The following DNAJC6 variants were observed in gnomAD, a reference collection of about 807,000 sequenced individuals.
DNAJC6 encodes the protein auxilin.
In DNAJC6, 34 loss-of-function variants were observed where a neutral mutation model predicts 110.0. That is an observed-to-expected ratio of 0.31 (90% CI 0.24 to 0.41). The LOEUF is 0.41. Among genes scored for constraint, DNAJC6 ranks in the 10% least tolerant of loss-of-function variants. The probability of loss-of-function intolerance (pLI) is 1.00; values close to 1 mark genes in which losing one functional copy is unlikely to be tolerated. For missense variants in DNAJC6, 1,031 were observed against 1,207.8 expected (o/e 0.85, Z 2.17); for synonymous variants, 406 against 437.2 (o/e 0.93, Z 0.89).
intron 1 of DNAJC6, among the ~76,000 whole-genome samples, chr1:65,340,632 G>A (rs1054054572): frequency 6.6e-6 from 1 of 152,042 alleles, no homozygotes; most frequent in African/African-American, 2.4e-5. Flanking sequence ...CAATAAAATG[G>A]GCATGATAAT....
Position 65,413,009 on chromosome 1 carries a change from A to G in DNAJC6, c.2897A>G (p.Gln966Arg). ...DAWSEFENQG[Q>R]KPLY ...TGGTCTGAATTTGAAAACCAAGGCCAAAAGCCCTTATATTAATTTATGAGC... is the reference window on the plus strand; with the variant it reads ...TGGTCTGAATTTGAAAACCAAGGCCGAAAGCCCTTATATTAATTTATGAGC... The change falls in exon 19 of 19, where the codon CAA (glutamine) becomes CGA (arginine). Residue 966 changes from glutamine (Q) to arginine (R), a missense_variant. Coordinates refer to ENST00000371069, the MANE Select transcript of DNAJC6 (RefSeq NM_001256864.2). 1 of 1,613,922 alleles carries G rather than the reference A, an allele frequency of 6.2e-7. No individual in the cohort carries two copies. Among genetic ancestry groups the G allele is most frequent in the Admixed American group, 1.7e-5 (1 of 60,004 alleles).
intron 1 of DNAJC6, among the ~76,000 whole-genome samples, chr1:65,349,845 T>C (rs1045493121): frequency 6.6e-6 from 1 of 152,166 alleles, no homozygotes; most frequent in Non-Finnish European, 1.5e-5. Context: ...CAATAGTTTT[T>C]AACCAGGGAC....
At chr1:65,403,865 T>C (rs1043901225) in intron 15 of DNAJC6, among the ~76,000 whole-genome samples, 4 of 152,196 alleles carry the variant, frequency 2.6e-5, no homozygotes, top group African/African-American at 7.2e-5. Context: ...CAGCGTCTGC[T>C]TTTTCACCAC....
intron 5 of DNAJC6, 109 bp downstream of exon 5, chr1:65,379,633 C>T: frequency 2.1e-6 from 3 of 1,417,720 alleles, no homozygotes; most frequent in Admixed American, 2.4e-5. Context: ...ATTTACTGAG[C>T]CCATATTTAG....
At chr1:65,358,752 T>A (rs1052002420) in intron 1 of DNAJC6, among the ~76,000 whole-genome samples, 13 of 152,234 alleles carry the variant, frequency 8.5e-5, no homozygotes, top group African/African-American at 3.1e-4. Context: ...TAGAGATATT[T>A]AACAATTCCC....
chr1:65,330,032 C>A (rs986193280), intron 1 of DNAJC6, among the ~76,000 whole-genome samples: 1 of 152,156 alleles, frequency 6.6e-6, no homozygotes, highest in African/African-American at 2.4e-5. Context: ...AACTTGAGTC[C>A]AAAGAGAGAA....
chr1:65,407,780 C>A (rs932935993), intron 16 of DNAJC6, among the ~76,000 whole-genome samples: 2 of 152,144 alleles, frequency 1.3e-5, no homozygotes, highest in Non-Finnish European at 2.9e-5. Flanking sequence ...AGTTTCAGAG[C>A]ACTTACATTT....
chr1:65,374,185 T>A (rs2477785), intron 4 of DNAJC6, among the ~76,000 whole-genome samples: 38,123 of 152,040 alleles, frequency 0.25, 8,309 homozygotes, highest in East Asian at 0.61. Context: ...TTACGGTAGC[T>A]TTGTAAAAAA....
chr1:65,337,048 T>C (rs1645344349), intron 1 of DNAJC6, among the ~76,000 whole-genome samples: 1 of 151,790 alleles, frequency 6.6e-6, no homozygotes, highest in Admixed American at 6.6e-5. Flanking sequence ...ATTTGTACTG[T>C]AGATTTTCCC....
intron 4 of DNAJC6, among the ~76,000 whole-genome samples, chr1:65,376,223 G>T (rs1333240620): frequency 6.6e-6 from 1 of 151,878 alleles, no homozygotes; most frequent in Non-Finnish European, 1.5e-5. Flanking sequence ...TATTTCTGAG[G>T]TCTCAGTTGT....
intron 2 of DNAJC6, among the ~76,000 whole-genome samples, chr1:65,365,183 T>C (rs1645634567): frequency 6.6e-6 from 1 of 152,192 alleles, no homozygotes; most frequent in Non-Finnish European, 1.5e-5. Flanking sequence ...ATACATGCAA[T>C]CTGAATAAGC....
chr1:65,387,791 T>C (rs139781582), intron 8 of DNAJC6, among the ~76,000 whole-genome samples: 3 of 152,386 alleles, frequency 2.0e-5, no homozygotes, highest in Admixed American at 2.0e-4. Context: ...TCATCACATA[T>C]TGGCTAAGTG....
intron 1 of DNAJC6, among the ~76,000 whole-genome samples, chr1:65,363,002 A>G (rs1645612592): frequency 6.6e-6 from 1 of 152,238 alleles, no homozygotes; most frequent in Non-Finnish European, 1.5e-5. Context: ...ATGGCTGTAG[A>G]GGCCTCAGGA....
chr1:65,359,682 A>C (rs1441282326), intron 1 of DNAJC6, among the ~76,000 whole-genome samples: 1 of 152,214 alleles, frequency 6.6e-6, no homozygotes, highest in Non-Finnish European at 1.5e-5. Flanking sequence ...CATTCCTAAG[A>C]ACACAAGTGG....
chr1:65,326,025 G>A (rs980942271), intron 1 of DNAJC6, among the ~76,000 whole-genome samples: 1 of 152,238 alleles, frequency 6.6e-6, no homozygotes, highest in Non-Finnish European at 1.5e-5. Context: ...TGGGATGACT[G>A]TCATATATTC....
intron 1 of DNAJC6, among the ~76,000 whole-genome samples, chr1:65,270,834 A>G (rs1035492383): frequency 7.2e-5 from 11 of 152,100 alleles, no homozygotes; most frequent in African/African-American, 2.7e-4. Context: ...GCACACCACC[A>G]CACCCAGCTA....
chr1:65,274,403 G>A (rs1344570538), intron 1 of DNAJC6, among the ~76,000 whole-genome samples: 4 of 151,972 alleles, frequency 2.6e-5, no homozygotes, highest in African/African-American at 9.7e-5. Flanking sequence ...TGCATCCTCC[G>A]CCTCCTGGGT....
intron 1 of DNAJC6, among the ~76,000 whole-genome samples, chr1:65,270,090 C>G (rs1352828037): frequency 6.6e-6 from 1 of 152,144 alleles, no homozygotes; most frequent in Non-Finnish European, 1.5e-5. Flanking sequence ...CAGGAAATCA[C>G]TTACCCAAAG....
At chr1:65,360,439 T>A (rs748416958) in intron 1 of DNAJC6, among the ~76,000 whole-genome samples, 1 of 152,190 alleles carries the variant, frequency 6.6e-6, no homozygotes, top group South Asian at 2.1e-4. Context: ...GCTGGTGCCT[T>A]GTAGTTCTAT....
Sources: gnomAD v4.1 joint callset for allele counts (sites outside exome capture counted in the v4.1 genomes callset) on GRCh38, gnomAD v4.1.1 for gene constraint, MANE v1.5 for transcripts, NCBI Gene and HGNC (gene_info 2026-07-23, HGNC 2026-07-21) for gene names.